DARS2: variants seen among roughly 807,000 people sequenced by gnomAD.
The protein encoded by DARS2 is aspartate--tRNA ligase, mitochondrial.
Under a neutral mutation model 83.0 loss-of-function variants are expected in DARS2, and 63 were observed. The observed-to-expected ratio is 0.76, with a 90% CI of 0.62 to 0.94. DARS2 has a LOEUF of 0.94. Ranked by LOEUF, DARS2 falls within the 40% of genes least tolerant of loss-of-function variation. The pLI is 0.00. For synonymous variants in DARS2, 250 were observed against 269.3 expected (o/e 0.93, Z 0.70); for missense variants, 675 against 774.4 (o/e 0.87, Z 1.52).
rs1482222045 is a variant in DARS2, at chr1:173,857,719, T to C, written c.*14T>C. 6.2e-7 allele frequency: 1 copy of C among 1,614,096 alleles called. No individual in the cohort carries two copies. The highest frequency in any genetic ancestry group is 1.1e-5 in the South Asian group (1 of 91,086). ...AGAGCTCATTGAATCATGCATACCA[T>C]GCAGAAAGTTGAGCTTTTAGGTTTT... On this transcript the variant is annotated 3_prime_UTR_variant, in exon 17 of 17. Coordinates refer to ENST00000649689, the MANE Select transcript of DARS2 (RefSeq NM_018122.5).
rs1235353886 is a variant in DARS2, at chr1:173,824,682, T to A, written c.-548T>A. 6.2e-6 allele frequency: 1 copy of A among 161,496 alleles called. No homozygotes were observed. Among genetic ancestry groups the A allele is most frequent in the African/African-American group, 2.4e-5 (1 of 41,542 alleles). 10.0% of individuals were successfully genotyped at this position (161,496 alleles called of 1,614,324 possible). ...ACTAGCGGGCGGAGTTGAAGGGCGC[T>A]TGGACCCCAGCGGCGATCTGTGTTT... On this transcript the variant is annotated 5_prime_UTR_variant, in exon 1 of 17. The change creates a new upstream start codon in the 5' untranslated region. Transcript: ENST00000649689.
At chr1:173,830,093 T>A (rs1458113127) in intron 3 of DARS2, among the ~76,000 whole-genome samples, 2 of 151,604 alleles carry the variant, frequency 1.3e-5, no homozygotes, top group South Asian at 2.1e-4. Flanking sequence ...AAAAAAAAAA[T>A]TAAAATTAAA....
chr1:173,828,458 G>C, intron 3 of DARS2, 59 bp downstream of exon 3: 1 of 1,463,824 alleles, frequency 6.8e-7, no homozygotes. Context: ...GCTGGGGTAA[G>C]CTAAGTAGTT....
rs972475863 is a variant in DARS2, at chr1:173,850,150, C to T, written c.1192-177C>T. ...TACAGGTATAAGCCACCGTGCCAAGCCTACTTTATAAAATTCCCTTAGTAT... is the reference window on the plus strand; with the variant it reads ...TACAGGTATAAGCCACCGTGCCAAGTCTACTTTATAAAATTCCCTTAGTAT... On this transcript the variant is annotated intron_variant, in intron 12 of 16. Transcript: ENST00000649689. Among the ~76,000 whole-genome samples, 5 of 151,846 alleles carry T rather than the reference C, an allele frequency of 3.3e-5. No individual in the cohort carries two copies. The East Asian group carries it at 9.7e-4, about 29-fold the overall frequency.
intron 11 of DARS2, among the ~76,000 whole-genome samples, chr1:173,842,384 C>T (rs1270683559): frequency 8.5e-5 from 12 of 141,288 alleles, no homozygotes; most frequent in East Asian, 2.2e-4. Context: ...CTGCAACCTC[C>T]GCCTCCCAGG....
intron 7 of DARS2, 69 bp downstream of exon 7, chr1:173,834,588 T>G (rs1162339162): frequency 8.2e-7 from 1 of 1,216,602 alleles, no homozygotes; most frequent in Non-Finnish European, 1.2e-6. Flanking sequence ...TACTTTGCTT[T>G]TATATTCACT....
At chr1:173,846,157 CAA>C (rs1226953002) in intron 12 of DARS2, among the ~76,000 whole-genome samples, 7 of 132,272 alleles carry the variant, frequency 5.3e-5, no homozygotes, top group Admixed American at 7.6e-5. Flanking sequence ...GACTCTGTCT[CAA>C]AAAAAAAAAA....
In DARS2 at chr1:173,850,418, G is replaced by T. The variant is rs1653611252; in HGVS notation, c.1283G>T (p.Arg428Ile). Residue 428 changes from arginine to isoleucine, a missense_variant, in exon 13 of 17, where the codon AGA becomes ATA. Arg to Ile is a moderately conservative substitution (Grantham distance 97). Coordinates refer to ENST00000649689, the MANE Select transcript of DARS2 (RefSeq NM_018122.5). ...GAGTCACAAAGACTGGAATTAATCA[G>T]ACTAATGGAGACCCAAGAGGAAGAT... is the stretch of plus-strand genomic sequence containing the variant. ...IMESQRLELIRLMETQEEDVV... is the reference protein window; with the variant it reads ...IMESQRLELIILMETQEEDVV... The T allele has an allele frequency of 6.2e-7, 1 of 1,613,918 alleles. No individual in the cohort carries two copies. Among genetic ancestry groups the T allele is most frequent in the South Asian group, 1.1e-5 (1 of 91,060 alleles).
intron 11 of DARS2, among the ~76,000 whole-genome samples, chr1:173,842,954 A>AAAG (rs983401530): frequency 6.6e-6 from 1 of 151,788 alleles, no homozygotes; most frequent in African/African-American, 2.4e-5. Flanking sequence ...AAAAAAAAAA[A>AAAG]AAAGTAATTT....
Position 173,825,279 on chromosome 1 carries a change from C to G in DARS2, c.50C>G (p.Pro17Arg), listed in dbSNP as rs1193496535. 3.1e-6 allele frequency: 5 copies of G among 1,613,522 alleles called. No homozygotes were observed. Among genetic ancestry groups the G allele is most frequent in the Non-Finnish European group, 4.2e-6 (5 of 1,179,782 alleles). The stretch of plus-strand genomic sequence containing the variant: ...CAGCTGTACAGGGGTTTATCCAGAC[C>G]CATCAGAAGGACCACCCAACCGATC... ...LSQLYRGLSR[P>R]IRRTTQPIWG... The change falls in exon 1 of 17, where the codon CCC becomes CGC. Residue 17 changes from proline to arginine, a missense_variant. Physicochemically the swap from Pro to Arg is moderately radical, Grantham distance 103 (BLOSUM62 -2). Transcript: ENST00000649689.
intron 12 of DARS2, among the ~76,000 whole-genome samples, chr1:173,846,015 G>A (rs1441018179): frequency 2.0e-5 from 3 of 152,122 alleles, no homozygotes; most frequent in South Asian, 2.1e-4. Flanking sequence ...AAAATTAGCT[G>A]GGCGTGGTGG....
At position 173,850,335 on chromosome 1, in the gene DARS2, A is replaced by G; in HGVS notation, c.1200A>G (p.Leu400=). ...CTTTTTCTTTTACACAGGAAATCTTACCTGTATTCCTTAACGCCAATAGAA... is the reference window on the plus strand; with the variant it reads ...CTTTTTCTTTTACACAGGAAATCTTGCCTGTATTCCTTAACGCCAATAGAA... ...FAADHFNQEI[L]PVFLNANRNW... Residue 400 remains leucine (L), a synonymous_variant, in exon 13 of 17, where the codon TTA becomes TTG. Transcript: ENST00000649689. 6.2e-7 allele frequency: 1 copy of G among 1,609,896 alleles called. No individual in the cohort carries two copies. The highest frequency in any genetic ancestry group is 1.1e-5 in the South Asian group (1 of 90,266).
intron 1 of DARS2, 65 bp downstream of exon 1, chr1:173,825,421 C>G (rs544244190): frequency 6.9e-7 from 1 of 1,452,028 alleles, no homozygotes; most frequent in Non-Finnish European, 9.3e-7. Context: ...GGCCGGAGAG[C>G]TTTTATTCCA....
In DARS2 at chr1:173,831,615, T is replaced by G. The variant is rs1323266978; in HGVS notation, c.477T>G (p.Ile159Met). Reference sequence around the variant, plus strand: ...CCTGCAAGAAGCTGCCCTTTGAAATTAAGAACTTCGTGAAGGTACCAACCT... The same window carrying G: ...CCTGCAAGAAGCTGCCCTTTGAAATGAAGAACTTCGTGAAGGTACCAACCT... ...LNACKKLPFE[I>M]KNFVKKTEAL... The change falls in exon 5 of 17, where the codon ATT becomes ATG. Residue 159 changes from isoleucine to methionine, a missense_variant. Ile to Met is a conservative substitution (Grantham distance 10, BLOSUM62 1). Coordinates refer to ENST00000649689, the MANE Select transcript of DARS2 (RefSeq NM_018122.5). 1.2e-6 allele frequency: 2 copies of G among 1,613,688 alleles called. No homozygotes were observed. The highest frequency in any genetic ancestry group is 4.5e-5 in the East Asian group (2 of 44,870).
chr1:173,849,131 T>C (rs1479773618), intron 12 of DARS2, among the ~76,000 whole-genome samples: 1 of 150,132 alleles, frequency 6.7e-6, no homozygotes, highest in African/African-American at 2.5e-5. Flanking sequence ...TCTCTGGGGC[T>C]AATTTTTTGG....
chr1:173,834,317 A>T (rs550498947), intron 6 of DARS2, among the ~76,000 whole-genome samples, 156 bp from the exon 7 acceptor site: 18 of 152,322 alleles, frequency 1.2e-4, no homozygotes, highest in African/African-American at 4.3e-4. Flanking sequence ...TCCTTCTTAG[A>T]TTTGTAGAAA....
intron 15 of DARS2, among the ~76,000 whole-genome samples, chr1:173,855,983 T>C (rs1336463894): frequency 6.6e-6 from 1 of 152,096 alleles, no homozygotes; most frequent in Non-Finnish European, 1.5e-5. Context: ...CTTCTGTTGC[T>C]TCCCTAAATA....
rs1304745729 is a variant in DARS2, at chr1:173,842,317, T to TTTTTTTTTTTTTTTTTTTTTTTTG, written c.1128+1344_1128+1345insTTTTTTTTTTTTTTTTTTTTTTTG. ...TTTTTTTTTTTTTTTTTTTTTTTTT[T>TTTTTTTTTTTTTTTTTTTTTTTTG]AGAGTGAGTCTTGCTCTGTCGCCCA... On this transcript the variant is annotated intron_variant, in intron 11 of 16. Coordinates refer to ENST00000649689, the MANE Select transcript of DARS2 (RefSeq NM_018122.5). 9.4e-5 allele frequency among the ~76,000 whole-genome samples: 11 copies of TTTTTTTTTTTTTTTTTTTTTTTTG among 116,628 alleles called. 2 individuals carry two copies. Among genetic ancestry groups the TTTTTTTTTTTTTTTTTTTTTTTTG allele is most frequent in the African/African-American group, 4.2e-4 (10 of 23,540 alleles). The allele number at this position is 116,628 out of a possible 152,430, so 76.5% of individuals were successfully genotyped here. A position where few individuals can be genotyped will look rare whatever the true frequency, so the allele number is the denominator to read the frequency against.
chr1:173,843,565 AAAAG>A (rs1281968191), intron 11 of DARS2, among the ~76,000 whole-genome samples: 5 of 152,230 alleles, frequency 3.3e-5, no homozygotes, highest in African/African-American at 1.2e-4. Context: ...CTCTCAAAAA[AAAAG>A]AAAGAATAAC....
Sources: allele counts gnomAD v4.1 joint callset (sites outside exome capture counted in the v4.1 genomes callset), GRCh38; gene constraint gnomAD v4.1.1; transcripts MANE v1.5; gene names NCBI Gene and HGNC (gene_info 2026-07-23, HGNC 2026-07-21).